NEGR1: variants seen among roughly 807,000 people sequenced by gnomAD.
The protein encoded by NEGR1 is neuronal growth regulator 1.
In NEGR1, 10 loss-of-function variants were observed where a neutral mutation model predicts 40.9. That is an observed-to-expected ratio of 0.24 (90% CI 0.15 to 0.42). NEGR1 has a LOEUF of 0.42. Ranked by LOEUF, NEGR1 falls within the 10% of genes least tolerant of loss-of-function variation. The pLI, the probability that NEGR1 is intolerant of heterozygous loss-of-function variation, is 1.00. For missense variants in NEGR1, 352 were observed against 438.9 expected (o/e 0.80, Z 1.77); for synonymous variants, 185 against 166.8 (o/e 1.11, Z -0.84).
At chr1:72,162,991 T>C (rs1021081097) in intron 1 of NEGR1, among the ~76,000 whole-genome samples, 1 of 152,134 alleles carries the variant, frequency 6.6e-6, no homozygotes, top group African/African-American at 2.4e-5. Context: ...CTAGGGATGT[T>C]ACAGATTGCT....
At chr1:71,628,942 G>T (rs564481316) in intron 4 of NEGR1, among the ~76,000 whole-genome samples, 1 of 152,020 alleles carries the variant, frequency 6.6e-6, no homozygotes, top group Non-Finnish European at 1.5e-5. Flanking sequence ...CAATTGGATC[G>T]CTGGGTGAAA....
At chr1:71,829,784 T>C (rs916394097) in intron 2 of NEGR1, among the ~76,000 whole-genome samples, 1 of 151,998 alleles carries the variant, frequency 6.6e-6, no homozygotes, top group East Asian at 1.9e-4. Context: ...ACTCTTATGG[T>C]CCACAGTGAA....
chr1:71,874,688 T>G (rs1413950681), intron 2 of NEGR1, among the ~76,000 whole-genome samples: 1 of 152,166 alleles, frequency 6.6e-6, no homozygotes, highest in Non-Finnish European at 1.5e-5. Context: ...GATTCTTAGA[T>G]GTGTTTAGCA....
intron 1 of NEGR1, among the ~76,000 whole-genome samples, chr1:72,157,608 G>A (rs1651406884): frequency 6.6e-6 from 1 of 152,006 alleles, no homozygotes; most frequent in Non-Finnish European, 1.5e-5. Flanking sequence ...ATATGAAGAG[G>A]TTATCTCTTA....
intron 1 of NEGR1, chr1:72,100,926 A>C (rs978732535): frequency 6.6e-6 from 1 of 151,424 alleles, no homozygotes; most frequent in African/African-American, 2.5e-5. Flanking sequence ...GTGTCCTCAC[A>C]TGGCCTTTTC....
chr1:72,234,765 T>C (rs2100503990), intron 1 of NEGR1, among the ~76,000 whole-genome samples: 1 of 152,218 alleles, frequency 6.6e-6, no homozygotes, highest in South Asian at 2.1e-4. Context: ...AGAATGGTTA[T>C]TACTAAAAAG....
chr1:71,495,471 C>T (rs1457477582), intron 6 of NEGR1, among the ~76,000 whole-genome samples: 1 of 130,870 alleles, frequency 7.6e-6, no homozygotes, highest in Non-Finnish European at 1.7e-5. Context: ...AGTGAGACTC[C>T]ATCTCGGAAA....
chr1:72,031,288 C>T (rs1269113099), intron 1 of NEGR1, among the ~76,000 whole-genome samples: 2 of 152,222 alleles, frequency 1.3e-5, no homozygotes, highest in East Asian at 3.9e-4. Flanking sequence ...ACTTCAAGAG[C>T]ACTGGAGATA....
chr1:71,787,190 T>G (rs1656943852), intron 2 of NEGR1, among the ~76,000 whole-genome samples: 1 of 152,166 alleles, frequency 6.6e-6, no homozygotes, highest in Admixed American at 6.6e-5. Flanking sequence ...TTGGGCACAG[T>G]TTTTAAAAGA....
intron 4 of NEGR1, among the ~76,000 whole-genome samples, chr1:71,631,677 A>G (rs1009656305): frequency 6.6e-6 from 1 of 151,848 alleles, no homozygotes; most frequent in East Asian, 1.9e-4. Flanking sequence ...CACTTAGTGA[A>G]AAACAAGACT....
chr1:72,135,511 A>C (rs188414597), intron 1 of NEGR1, among the ~76,000 whole-genome samples: 2 of 151,574 alleles, frequency 1.3e-5, no homozygotes, highest in East Asian at 3.9e-4. Flanking sequence ...TGGAAAACAA[A>C]TGAGTTAGAT....
chr1:72,091,941 T>C (rs1648515825), intron 1 of NEGR1, among the ~76,000 whole-genome samples: 1 of 152,092 alleles, frequency 6.6e-6, no homozygotes, highest in Non-Finnish European at 1.5e-5. Flanking sequence ...ACTAATCCCA[T>C]TGGATCAGGG....
chr1:71,597,845 GGA>G (rs1187043908), intron 5 of NEGR1, among the ~76,000 whole-genome samples: 2 of 151,770 alleles, frequency 1.3e-5, no homozygotes, highest in Admixed American at 1.3e-4. Context: ...TCCAGGAGGC[GGA>G]GGTTGCAGTG....
intron 1 of NEGR1, among the ~76,000 whole-genome samples, chr1:71,999,379 A>G (rs912168270): frequency 6.6e-6 from 1 of 151,628 alleles, no homozygotes; most frequent in Non-Finnish European, 1.5e-5. Context: ...TAATTGAAAC[A>G]TTACCTTTCC....
chr1:71,771,699 C>CAAAAAAAAAAAAAAAA lies in NEGR1; in HGVS notation c.535+4457_535+4472dup, dbSNP rs60830449. On this transcript the variant is annotated intron_variant, in intron 3 of 6. Coordinates refer to ENST00000357731, the MANE Select transcript of NEGR1 (RefSeq NM_173808.3). ...GGGTAACAAAAGCAAGACTTAGTCT[C>CAAAAAAAAAAAAAAAA]AAAAAAAAAAAAAAAAAAAAAAAGG... is the stretch of plus-strand genomic sequence containing the variant. Among the ~76,000 whole-genome samples, 3 of 12,098 alleles carry CAAAAAAAAAAAAAAAA rather than the reference C, an allele frequency of 2.5e-4. 1 individual carries two copies. Among genetic ancestry groups the CAAAAAAAAAAAAAAAA allele is most frequent in the Non-Finnish European group, 3.2e-4 (2 of 6,212 alleles). The allele number at this position is 12,098 out of a possible 152,430, so 7.9% of individuals were successfully genotyped here.
intron 3 of NEGR1, among the ~76,000 whole-genome samples, chr1:71,739,632 T>C (rs1570280133): frequency 6.6e-6 from 1 of 152,120 alleles, no homozygotes; most frequent in African/African-American, 2.4e-5. Flanking sequence ...TCTAGGAGTA[T>C]CAAAAATAAA....
intron 1 of NEGR1, among the ~76,000 whole-genome samples, chr1:71,993,258 GA>G (rs1459979089): frequency 1.3e-5 from 2 of 152,114 alleles, no homozygotes; most frequent in Non-Finnish European, 2.9e-5. Flanking sequence ...AGCTTTCTTT[GA>G]ATATCTAAAA....
At chr1:72,146,131 A>G (rs1280096818) in intron 1 of NEGR1, among the ~76,000 whole-genome samples, 1 of 152,118 alleles carries the variant, frequency 6.6e-6, no homozygotes, top group African/African-American at 2.4e-5. Context: ...ACGTTCTTTC[A>G]CTGTGTCAAT....
At chr1:72,088,796 C>CTTTTTTTTTTTTTT (rs71074816) in intron 1 of NEGR1, among the ~76,000 whole-genome samples, 2 of 74,906 alleles carry the variant, frequency 2.7e-5, no homozygotes, top group African/African-American at 4.7e-5. Flanking sequence ...CTCTCTCTCT[C>CTTTTTTTTTTTTTT]TTTTTTTTTT....
Sources: allele counts gnomAD v4.1 joint callset (sites outside exome capture counted in the v4.1 genomes callset), GRCh38; gene constraint gnomAD v4.1.1; transcripts MANE v1.5; gene names NCBI Gene and HGNC (gene_info 2026-07-23, HGNC 2026-07-21).